The following GPM6A variants were observed in gnomAD, a reference collection of about 807,000 sequenced individuals.
GPM6A encodes the protein glycoprotein M6A.
A neutral mutation model predicts 32.1 loss-of-function variants in GPM6A; 7 were observed. The ratio of observed to expected loss-of-function variants is 0.22; its 90% CI spans 0.12 to 0.41. The LOEUF is 0.41. Ranked by LOEUF, GPM6A falls within the 10% of genes least tolerant of loss-of-function variation. GPM6A has a pLI of 1.00. For missense variants in GPM6A, 235 were observed against 347.2 expected (o/e 0.68, Z 2.57); for synonymous variants, 130 against 123.4 (o/e 1.05, Z -0.35).
At chr4:175,907,891 T>A (rs551627073) in intron 1 of GPM6A, among the ~76,000 whole-genome samples, 1 of 152,188 alleles carries the variant, frequency 6.6e-6, no homozygotes, top group Non-Finnish European at 1.5e-5. Context: ...TAAGTTCGTA[T>A]GCTTTTTCCT....
chr4:175,948,763 G>T (rs1345478069), intron 1 of GPM6A, among the ~76,000 whole-genome samples: 5 of 138,924 alleles, frequency 3.6e-5, no homozygotes, highest in South Asian at 2.1e-4. Context: ...TGAAACACTG[G>T]CCACAAAGTT....
chr4:176,000,456 G>A (rs1177396177), intron 1 of GPM6A, among the ~76,000 whole-genome samples: 1 of 151,968 alleles, frequency 6.6e-6, no homozygotes, highest in East Asian at 1.9e-4. Context: ...GCAAAATCCA[G>A]GACAAATTGT....
chr4:175,635,215 T>C (rs1010026302), intron 6 of GPM6A, among the ~76,000 whole-genome samples, 158 bp from the exon 7 acceptor site: 2 of 152,142 alleles, frequency 1.3e-5, no homozygotes, highest in African/African-American at 4.8e-5. Flanking sequence ...CAATATAAAA[T>C]ATATTTTCAT....
chr4:175,908,429 A>G (rs1462142853), intron 1 of GPM6A, among the ~76,000 whole-genome samples: 2 of 152,140 alleles, frequency 1.3e-5, no homozygotes, highest in African/African-American at 2.4e-5. Context: ...ATATCCTACC[A>G]GTCTCTACAG....
chr4:175,829,688 CATATATGTATATATATTACAT>C (rs995335044), intron 1 of GPM6A, among the ~76,000 whole-genome samples: 23 of 144,912 alleles, frequency 1.6e-4, no homozygotes, highest in African/African-American at 5.6e-4. Context: ...ATATATATTA[CATATATGTATATATATTACAT>C]ATATATGTAT....
At chr4:175,812,313 T>TG (rs1734960362), upstream of GPM6A, 7 of 1,182,974 alleles carry the variant, frequency 5.9e-6, no homozygotes, top group East Asian at 7.4e-5. Flanking sequence ...TTTTTTTTTT[T>TG]TTTTTTTTTT....
chr4:175,701,240 A>G (rs1281434980), intron 2 of GPM6A, among the ~76,000 whole-genome samples: 1 of 152,222 alleles, frequency 6.6e-6, no homozygotes, highest in Non-Finnish European at 1.5e-5. Flanking sequence ...CCAGATTTGT[A>G]CCTGGCACTA....
intron 1 of GPM6A, among the ~76,000 whole-genome samples, chr4:175,766,929 T>G (rs114854465): frequency 0.015 from 2,272 of 152,184 alleles, 33 homozygotes; most frequent in South Asian, 0.026. Flanking sequence ...TGCTGGGTTT[T>G]CAGGTGTAAG....
intron 1 of GPM6A, among the ~76,000 whole-genome samples, chr4:175,910,454 C>T (rs773538808): frequency 3.3e-5 from 5 of 152,162 alleles, no homozygotes; most frequent in Non-Finnish European, 7.3e-5. Flanking sequence ...GTACATAATT[C>T]ACTCTCTCAG....
At chr4:175,806,614 C>T (rs1175748043) in intron 1 of GPM6A, among the ~76,000 whole-genome samples, 1 of 152,178 alleles carries the variant, frequency 6.6e-6, no homozygotes, top group African/African-American at 2.4e-5. Flanking sequence ...TAAACCACAG[C>T]AGACATAATA....
intron 1 of GPM6A, among the ~76,000 whole-genome samples, chr4:175,978,040 G>T (rs1006260011): frequency 6.6e-6 from 1 of 152,074 alleles, no homozygotes; most frequent in Non-Finnish European, 1.5e-5. Context: ...CTTTTTTCAA[G>T]ATGCTAAACA....
intron 1 of GPM6A, among the ~76,000 whole-genome samples, chr4:175,973,886 A>C (rs1740581441): frequency 6.6e-6 from 1 of 152,040 alleles, no homozygotes; most frequent in Non-Finnish European, 1.5e-5. Context: ...ACCAGCTTTT[A>C]TTGCTTCACA....
chr4:175,645,325 T>C (rs1741393194), intron 4 of GPM6A, among the ~76,000 whole-genome samples: 1 of 152,204 alleles, frequency 6.6e-6, no homozygotes, highest in Non-Finnish European at 1.5e-5. Context: ...TGATGCGTAA[T>C]GTGTGTACAC....
intron 1 of GPM6A, among the ~76,000 whole-genome samples, chr4:175,935,188 G>C (rs1228028816): frequency 6.6e-6 from 1 of 152,208 alleles, no homozygotes; most frequent in Non-Finnish European, 1.5e-5. Context: ...TGTTTGGACA[G>C]TGTGACTCAT....
chr4:175,773,751 T>C (rs1018985634), intron 1 of GPM6A, among the ~76,000 whole-genome samples: 8 of 152,098 alleles, frequency 5.3e-5, no homozygotes, highest in Non-Finnish European at 8.8e-5. Flanking sequence ...ACAGTTTCCA[T>C]AGAAACACAG....
intron 1 of GPM6A, among the ~76,000 whole-genome samples, chr4:175,704,386 A>C (rs999109312): frequency 5.3e-5 from 8 of 152,046 alleles, no homozygotes; most frequent in African/African-American, 1.9e-4. Context: ...AATGTGGGGA[A>C]GTAGAAAAGG....
At chr4:175,868,093 G>A (rs1278842830) in intron 1 of GPM6A, among the ~76,000 whole-genome samples, 1 of 152,152 alleles carries the variant, frequency 6.6e-6, no homozygotes, top group Non-Finnish European at 1.5e-5. Flanking sequence ...GGTCCCCAGA[G>A]TTGTCCACAT....
chr4:175,746,145 T>G (rs1457338968), intron 1 of GPM6A, among the ~76,000 whole-genome samples: 2 of 152,166 alleles, frequency 1.3e-5, no homozygotes, highest in East Asian at 1.9e-4. Context: ...GTAATTCATA[T>G]GAACAACAGC....
intron 1 of GPM6A, among the ~76,000 whole-genome samples, chr4:175,732,619 A>G (rs1360946077): frequency 1.3e-5 from 2 of 152,168 alleles, no homozygotes; most frequent in Non-Finnish European, 2.9e-5. Flanking sequence ...AAAACGTACA[A>G]ATAATGAGAA....
Sources: gnomAD v4.1 joint callset for allele counts (sites outside exome capture counted in the v4.1 genomes callset) on GRCh38, gnomAD v4.1.1 for gene constraint, MANE v1.5 for transcripts, NCBI Gene and HGNC (gene_info 2026-07-23, HGNC 2026-07-21) for gene names.